Variants in DOCK2 observed in about 807,000 individuals in gnomAD.
DOCK2 encodes dedicator of cytokinesis 2.
Under a neutral mutation model 248.9 loss-of-function variants are expected in DOCK2, and 87 were observed. That is an observed-to-expected ratio of 0.35 (90% CI 0.29 to 0.42). The LOEUF is 0.42. DOCK2 is among the 10% of genes least tolerant of loss of function. DOCK2 has a pLI of 1.00. For synonymous variants in DOCK2, 805 were observed against 821.6 expected (o/e 0.98, Z 0.35); for missense variants, 1,747 against 2,300.2 (o/e 0.76, Z 4.92).
At chr5:169,883,631 C>T in intron 27 of DOCK2, 1 of 1,551,426 alleles carries the variant, frequency 6.4e-7, no homozygotes, top group Non-Finnish European at 8.7e-7. Flanking sequence ...CGAAAGCCCC[C>T]TGCCTTCTGG....
At chr5:169,820,884 G>A (rs1333841069) in intron 26 of DOCK2, among the ~76,000 whole-genome samples, 3 of 152,172 alleles carry the variant, frequency 2.0e-5, no homozygotes, top group Non-Finnish European at 4.4e-5. Context: ...AAGATTAGAT[G>A]AATGGCTAAC....
chr5:169,716,327 A>G, intron 20 of DOCK2, 25 bp downstream of exon 20: 16 of 1,607,156 alleles, frequency 1.0e-5, no homozygotes, highest in Non-Finnish European at 1.3e-5. Flanking sequence ...AAAAGTGTCT[A>G]GTGACAACAG....
chr5:170,032,079 T>C (rs1217518026), intron 34 of DOCK2, among the ~76,000 whole-genome samples: 1 of 150,420 alleles, frequency 6.6e-6, no homozygotes, highest in Non-Finnish European at 1.5e-5. Flanking sequence ...CAGGCTGGAG[T>C]GCAGTGGCGC....
At chr5:169,846,857 C>T (rs976851775) in intron 27 of DOCK2, among the ~76,000 whole-genome samples, 2 of 151,886 alleles carry the variant, frequency 1.3e-5, no homozygotes, top group African/African-American at 2.4e-5. Context: ...CCCTTCCACC[C>T]TCCCCCTTCT....
At chr5:169,676,945 A>G (rs545549017) in intron 6 of DOCK2, among the ~76,000 whole-genome samples, 1 of 152,210 alleles carries the variant, frequency 6.6e-6, no homozygotes, top group African/African-American at 2.4e-5. Flanking sequence ...CTCACTGTAC[A>G]CCAGGCACCA....
intron 26 of DOCK2, among the ~76,000 whole-genome samples, chr5:169,823,930 A>G (rs1363371467): frequency 5.3e-5 from 8 of 152,250 alleles, no homozygotes; most frequent in Non-Finnish European, 1.0e-4. Context: ...AAGTCTCAGG[A>G]TACAAAATCA....
intron 3 of DOCK2, 47 bp from the exon 4 acceptor site, chr5:169,670,493 GAT>G (rs1758988796): frequency 3.1e-6 from 5 of 1,592,634 alleles, no homozygotes; most frequent in Non-Finnish European, 4.3e-6. Flanking sequence ...TTTCTGTGGT[GAT>G]ATATCTTTTT....
chr5:169,883,443 C>A (rs958482509), intron 27 of DOCK2: 5 of 1,551,516 alleles, frequency 3.2e-6, no homozygotes, highest in Non-Finnish European at 4.4e-6. Flanking sequence ...GCTGAGCCAA[C>A]CTTAAGTAGG....
chr5:169,879,217 A>G (rs1398566989), intron 27 of DOCK2, among the ~76,000 whole-genome samples: 1 of 152,224 alleles, frequency 6.6e-6, no homozygotes, highest in Non-Finnish European at 1.5e-5. Context: ...CTTTATGTAC[A>G]GTGACATGCA....
intron 30 of DOCK2, chr5:169,997,993 T>C (rs773271842): frequency 8.8e-6 from 4 of 456,220 alleles, no homozygotes; most frequent in South Asian, 4.6e-5. Context: ...AGAACTGGAA[T>C]GTGACGAAGG....
chr5:170,073,871 C>G (rs921983729), intron 46 of DOCK2, among the ~76,000 whole-genome samples: 4 of 152,056 alleles, frequency 2.6e-5, no homozygotes, highest in South Asian at 4.1e-4. Context: ...AATGTTGTAT[C>G]TTTTCAAAGA....
rs140573944 is a variant in DOCK2 at position 169,883,098 on chromosome 5, G to A, written c.2799+42246G>A. 2.6e-3 allele frequency: 3,988 copies of A among 1,551,642 alleles called. 6 individuals are homozygous for A. Among genetic ancestry groups the A allele is most frequent in the Non-Finnish European group, 3.1e-3 (3,595 of 1,146,942 alleles). ...GTTTAAGTTCCTCTGTGCCTGGTGTGTGGCTGGCAACGCTGGTGGCATTTA... is the reference window on the plus strand; with the variant it reads ...GTTTAAGTTCCTCTGTGCCTGGTGTATGGCTGGCAACGCTGGTGGCATTTA... On this transcript the variant is annotated intron_variant, in intron 27 of 51. Transcript: ENST00000520908.
At chr5:169,694,162 G>A (rs1243187077) in intron 9 of DOCK2, among the ~76,000 whole-genome samples, 1 of 152,226 alleles carries the variant, frequency 6.6e-6, no homozygotes, top group African/African-American at 2.4e-5. Context: ...CCAGCATAGT[G>A]AGAGGCAGGG....
chr5:169,831,201 T>G (rs1769206888), intron 26 of DOCK2, among the ~76,000 whole-genome samples: 1 of 107,192 alleles, frequency 9.3e-6, no homozygotes, highest in African/African-American at 4.6e-5. Context: ...TTTCTGGACA[T>G]AGAAAATAAA....
intron 27 of DOCK2, among the ~76,000 whole-genome samples, chr5:169,901,818 GC>G (rs902525670): frequency 2.0e-5 from 3 of 152,218 alleles, no homozygotes; most frequent in African/African-American, 7.2e-5. Context: ...TGGACCCTCA[GC>G]CATGTGCTAT....
chr5:170,036,415 T>C (rs1501642), intron 35 of DOCK2, 100 bp from the exon 36 acceptor site: 1 of 1,239,384 alleles, frequency 8.1e-7, no homozygotes, highest in Non-Finnish European at 1.2e-6. Flanking sequence ...GGTACCCAGA[T>C]ACTAGACAGC....
At chr5:169,996,022 A>T in intron 29 of DOCK2, 64 bp from the exon 30 acceptor site, 2 of 1,564,878 alleles carry the variant, frequency 1.3e-6, no homozygotes, top group African/African-American at 2.7e-5. Context: ...TTAGTCTGGC[A>T]TAAGGACGAA....
At position 169,710,311 on chromosome 5, in the gene DOCK2, A is replaced by G. The variant is rs72841150; in HGVS notation, c.1483-1624A>G. Among the ~76,000 whole-genome samples, 483 of 152,314 alleles carry G rather than the reference A, an allele frequency of 3.2e-3. 1 individual carries two copies. Among genetic ancestry groups the G allele is most frequent in the Non-Finnish European group, 4.6e-3 (310 of 68,026 alleles). The stretch of plus-strand genomic sequence containing the variant: ...TCCCTTGATCACCCTTCCTTGGTGC[A>G]GGATGTAACCAAAGTGGAATTGTCA... On this transcript the variant is annotated intron_variant, in intron 15 of 51. Coordinates refer to ENST00000520908, the MANE Select transcript of DOCK2 (RefSeq NM_004946.3).
At chr5:170,004,990 C>T (rs964550329) in intron 30 of DOCK2, among the ~76,000 whole-genome samples, 7 of 147,126 alleles carry the variant, frequency 4.8e-5, no homozygotes, top group East Asian at 2.0e-4. Context: ...GTGGGTGCAG[C>T]GCACCAGCAT....
Sources: gnomAD v4.1 joint callset for allele counts (sites outside exome capture counted in the v4.1 genomes callset) on GRCh38, gnomAD v4.1.1 for gene constraint, MANE v1.5 for transcripts, NCBI Gene and HGNC (gene_info 2026-07-23, HGNC 2026-07-21) for gene names.